Variants in SNX25 observed in about 807,000 individuals in gnomAD.
SNX25 encodes sorting nexin-25.
In SNX25, 62 loss-of-function variants were observed where a neutral mutation model predicts 113.7. The observed-to-expected ratio is 0.55, with a 90% CI of 0.44 to 0.67. SNX25 has a LOEUF of 0.67. SNX25 is among the 30% of genes least tolerant of loss of function. The pLI is 0.00. For synonymous variants in SNX25, 421 were observed against 436.2 expected (o/e 0.97, Z 0.43); for missense variants, 1,014 against 1,161.0 (o/e 0.87, Z 1.84).
chr4:185,294,959 G>A (rs935832978), intron 6 of SNX25, among the ~76,000 whole-genome samples: 1 of 152,076 alleles, frequency 6.6e-6, no homozygotes, highest in African/African-American at 2.4e-5. Flanking sequence ...GAGTTTTGAT[G>A]TATGGCTGGC....
chr4:185,348,210 G>GT (rs1179036603), intron 13 of SNX25, among the ~76,000 whole-genome samples: 1 of 152,040 alleles, frequency 6.6e-6, no homozygotes, highest in African/African-American at 2.4e-5. Flanking sequence ...AAGCCCTGAA[G>GT]TTCTCAGAGG....
intron 2 of SNX25, among the ~76,000 whole-genome samples, chr4:185,250,718 T>A (rs1745501726): frequency 7.2e-6 from 1 of 138,048 alleles, no homozygotes; most frequent in African/African-American, 2.4e-5. Flanking sequence ...TAGTTCAGTT[T>A]ATGGTTTTTT....
intron 5 of SNX25, among the ~76,000 whole-genome samples, chr4:185,278,128 G>A (rs1460663727): frequency 6.6e-6 from 1 of 152,160 alleles, no homozygotes; most frequent in Non-Finnish European, 1.5e-5. Context: ...TTAGCAGCCA[G>A]GTCTCATGAG....
chr4:185,364,137 A>G (rs948921260), downstream of SNX25: 1 of 152,298 alleles, frequency 6.6e-6, no homozygotes, highest in African/African-American at 2.4e-5. Flanking sequence ...AATCTGTAAA[A>G]TATATGATTT....
At chr4:185,312,263 A>G (rs569399454) in intron 7 of SNX25, among the ~76,000 whole-genome samples, 4 of 152,304 alleles carry the variant, frequency 2.6e-5, no homozygotes, top group South Asian at 4.1e-4. Context: ...CCCTGCTCTC[A>G]AAGAGTCCCA....
downstream of SNX25, among the ~76,000 whole-genome samples, chr4:185,371,536 C>T (rs1322914152): frequency 4.0e-5 from 4 of 98,868 alleles, no homozygotes; most frequent in African/African-American, 1.1e-4. Flanking sequence ...AGCGAGACTC[C>T]GTCTAAAAAA....
rs2095215857 is a variant in SNX25, at chr4:185,334,270, A to G, written c.1914+1511A>G. 6.6e-6 allele frequency among the ~76,000 whole-genome samples: 1 copy of G among 152,110 alleles called. No homozygotes were observed. On this transcript the variant is annotated intron_variant, in intron 10 of 18. Coordinates refer to ENST00000652585, the MANE Select transcript of SNX25 (RefSeq NM_001378034.2). The surrounding 1 kb of genome is among the most constrained non-coding windows in gnomAD (Gnocchi z 4.2). ...GGAGAATCTCTTGAACCCGGGAGGCAGAAGTTGCGTGAGCCAAGATCATGC... is the reference window on the plus strand; with the variant it reads ...GGAGAATCTCTTGAACCCGGGAGGCGGAAGTTGCGTGAGCCAAGATCATGC...
At chr4:185,247,419 A>G (rs1745016390) in intron 2 of SNX25, 41 bp downstream of exon 2, 1 of 1,313,428 alleles carries the variant, frequency 7.6e-7, no homozygotes, top group Non-Finnish European at 1.1e-6. Context: ...ATGTAAAGCA[A>G]TTCATTATGT....
At chr4:185,205,111 C>G (rs1274804196), upstream of SNX25, among the ~76,000 whole-genome samples, 2 of 152,204 alleles carry the variant, frequency 1.3e-5, no homozygotes, top group African/African-American at 4.8e-5. Context: ...GCATTTTGTA[C>G]TTGTTGGTCT....
At chr4:185,305,701 T>C (rs1754369769) in intron 6 of SNX25, among the ~76,000 whole-genome samples, 1 of 152,228 alleles carries the variant, frequency 6.6e-6, no homozygotes, top group Non-Finnish European at 1.5e-5. Flanking sequence ...TAATGTCTAA[T>C]ATAAATGTCT....
intron 16 of SNX25, among the ~76,000 whole-genome samples, chr4:185,361,188 C>T (rs2095361608): frequency 6.6e-6 from 1 of 152,160 alleles, no homozygotes; most frequent in Non-Finnish European, 1.5e-5. Context: ...GCCATAGCAA[C>T]ACTAAAAGAC....
downstream of SNX25, among the ~76,000 whole-genome samples, chr4:185,375,059 C>A (rs1023512816): frequency 6.6e-6 from 1 of 152,048 alleles, no homozygotes. Context: ...CCATCAGACA[C>A]AAACCTTCAA....
intron 9 of SNX25, among the ~76,000 whole-genome samples, chr4:185,329,829 C>A (rs1457237080): frequency 1.3e-5 from 2 of 152,064 alleles, no homozygotes; most frequent in African/African-American, 4.8e-5. Flanking sequence ...CAGCCTGAGC[C>A]TCACAGTCCC....
At chr4:185,372,782 AATT>A, downstream of SNX25, 1 of 1,298,860 alleles carries the variant, frequency 7.7e-7, no homozygotes, top group Non-Finnish European at 1.1e-6. Context: ...GTGAGAAATA[AATT>A]TCTGTTTCTC....
chr4:185,267,825 C>T (rs1038456361), intron 5 of SNX25, among the ~76,000 whole-genome samples: 7 of 152,014 alleles, frequency 4.6e-5, no homozygotes, highest in African/African-American at 1.2e-4. Context: ...TTGATTAGCA[C>T]GTATCTTGTG....
intron 12 of SNX25, among the ~76,000 whole-genome samples, chr4:185,344,094 G>A (rs896262187): frequency 3.3e-5 from 5 of 152,096 alleles, no homozygotes; most frequent in African/African-American, 7.2e-5. Flanking sequence ...GGTGGTGCAC[G>A]CTTGTAGTCT....
chr4:185,367,255 A>G (rs763899222), downstream of SNX25: 1 of 1,610,090 alleles, frequency 6.2e-7, no homozygotes, highest in South Asian at 1.1e-5. Context: ...CCTTAAAATC[A>G]AAAAGAGTCA....
At chr4:185,277,174 G>A (rs1749829708) in intron 5 of SNX25, among the ~76,000 whole-genome samples, 1 of 152,126 alleles carries the variant, frequency 6.6e-6, no homozygotes, top group Admixed American at 6.5e-5. Context: ...ACAGGCGTGT[G>A]CTACCACATC....
chr4:185,267,840 AT>A (rs1246237094), intron 5 of SNX25, among the ~76,000 whole-genome samples: 3 of 152,202 alleles, frequency 2.0e-5, no homozygotes, highest in Non-Finnish European at 4.4e-5. Flanking sequence ...CTTGTGTGTT[AT>A]ATGTGTTATA....
Sources: allele counts gnomAD v4.1 joint callset (sites outside exome capture counted in the v4.1 genomes callset), GRCh38; gene constraint gnomAD v4.1.1; non-coding constraint Gnocchi (gnomAD v3.1); transcripts MANE v1.5; gene names NCBI Gene and HGNC (gene_info 2026-07-23, HGNC 2026-07-21).